UNC5C: variants seen among roughly 807,000 people sequenced by gnomAD.
The protein encoded by UNC5C is netrin receptor UNC5C.
UNC5C carries 47 observed loss-of-function variants against 99.8 expected under a neutral mutation model. The ratio of observed to expected loss-of-function variants is 0.47; its 90% CI spans 0.37 to 0.60. UNC5C has a LOEUF of 0.60. Among genes scored for constraint, UNC5C ranks in the 20% least tolerant of loss-of-function variants. The pLI, the probability that UNC5C is intolerant of heterozygous loss-of-function variation, is 0.00. For synonymous variants in UNC5C, 487 were observed against 452.2 expected (o/e 1.08, Z -0.98); for missense variants, 1,062 against 1,165.9 (o/e 0.91, Z 1.30).
chr4:95,267,373 C>A (rs1054989647), intron 4 of UNC5C, among the ~76,000 whole-genome samples: 1 of 151,998 alleles, frequency 6.6e-6, no homozygotes, highest in African/African-American at 2.4e-5. Flanking sequence ...TTAAAATAAG[C>A]AAATTAGTGT....
intron 2 of UNC5C, among the ~76,000 whole-genome samples, chr4:95,314,894 T>C (rs996463950): frequency 1.2e-4 from 18 of 152,210 alleles, no homozygotes; most frequent in African/African-American, 3.9e-4. Context: ...TTGAAAAATA[T>C]TGCAAACATG....
chr4:95,540,297 T>G (rs1000480509), intron 1 of UNC5C, among the ~76,000 whole-genome samples: 1 of 152,202 alleles, frequency 6.6e-6, no homozygotes, highest in African/African-American at 2.4e-5. Flanking sequence ...TGAATAATAT[T>G]ATGATGAAAT....
At chr4:95,439,417 T>C (rs938304715) in intron 1 of UNC5C, among the ~76,000 whole-genome samples, 1 of 151,866 alleles carries the variant, frequency 6.6e-6, no homozygotes, top group African/African-American at 2.4e-5. Flanking sequence ...CTCCTTCTTA[T>C]GTTTTAAGGG....
intron 1 of UNC5C, among the ~76,000 whole-genome samples, chr4:95,545,000 A>T (rs1723020120): frequency 6.6e-6 from 1 of 152,258 alleles, no homozygotes; most frequent in Non-Finnish European, 1.5e-5. Flanking sequence ...AGAACCTAGC[A>T]TACATTAGAG....
rs369869047 is a variant in UNC5C at position 95,548,792 on chromosome 4, C to A, written c.66G>T (p.Met22Ile). Residue 22 changes from methionine to isoleucine, a missense_variant, in exon 1 of 16, where the codon ATG (methionine) becomes ATT (isoleucine). This residue lies in a region of UNC5C where 249 missense variants were observed against 295.1 expected (regional missense o/e 0.84). Transcript: ENST00000453304. The stretch of plus-strand genomic sequence containing the variant: ...GCAGGGCCAGGGCAGGTAGCACGAG[C>A]ATTTGCAGCAAGTATCCCAGTCCCA... ...CGLGLGYLLQ[M>I]LVLPALALLS... The A allele has an allele frequency of 3.6e-5, 58 of 1,613,360 alleles. No individual in the cohort carries two copies. Among genetic ancestry groups the A allele is most frequent in the Non-Finnish European group, 4.5e-5 (53 of 1,179,914 alleles).
At chr4:95,282,330 C>T (rs964222642) in intron 3 of UNC5C, among the ~76,000 whole-genome samples, 1 of 152,056 alleles carries the variant, frequency 6.6e-6, no homozygotes, top group African/African-American at 2.4e-5. Flanking sequence ...AGTCATTGGT[C>T]TGGGAAGTTT....
rs1011876819 is a variant in UNC5C at position 95,175,591 on chromosome 4, T to C, written c.2452-5259A>G. 5.2e-3 allele frequency among the ~76,000 whole-genome samples: 785 copies of C among 152,322 alleles called. 7 individuals are homozygous for C. The highest frequency in any genetic ancestry group is 0.018 in the African/African-American group (750 of 41,562). Reference sequence around the variant, plus strand: ...TTGGCCCCCACTCCCTTCTGGCTTGTAGAGTTTCTGCTGAGAGATCAGGTG... The same window carrying C: ...TTGGCCCCCACTCCCTTCTGGCTTGCAGAGTTTCTGCTGAGAGATCAGGTG... On this transcript the variant is annotated intron_variant, in intron 14 of 15. Coordinates refer to ENST00000453304, the MANE Select transcript of UNC5C (RefSeq NM_003728.4).
intron 1 of UNC5C, among the ~76,000 whole-genome samples, chr4:95,466,880 T>A (rs1364963274): frequency 6.6e-6 from 1 of 152,180 alleles, no homozygotes; most frequent in East Asian, 1.9e-4. Flanking sequence ...TTCATTCCCA[T>A]TGGGTGTGGC....
intron 11 of UNC5C, 50 bp from the exon 12 acceptor site, chr4:95,203,014 C>T (rs369634287): frequency 1.5e-4 from 237 of 1,578,344 alleles, no homozygotes; most frequent in Non-Finnish European, 1.9e-4. Context: ...GGACGCATGC[C>T]GGCCACCAGG....
chr4:95,186,349 C>T (rs1736828660), intron 12 of UNC5C, among the ~76,000 whole-genome samples: 1 of 152,066 alleles, frequency 6.6e-6, no homozygotes, highest in African/African-American at 2.4e-5. Context: ...GATTGGGTAC[C>T]CACCAGGGTA....
At chr4:95,202,614 C>T in intron 12 of UNC5C, 117 bp downstream of exon 12, 1 of 977,476 alleles carries the variant, frequency 1.0e-6, no homozygotes, top group Non-Finnish European at 1.5e-6. Context: ...TTGGGCCAAA[C>T]ACGTGTCCAC....
At chr4:95,408,598 A>G (rs1358594478) in intron 1 of UNC5C, among the ~76,000 whole-genome samples, 1 of 152,210 alleles carries the variant, frequency 6.6e-6, no homozygotes, top group African/African-American at 2.4e-5. Flanking sequence ...TTTGATATAT[A>G]CTAACTGAAC....
chr4:95,183,245 A>G (rs562599690), intron 13 of UNC5C, among the ~76,000 whole-genome samples, 184 bp from the exon 14 acceptor site: 1 of 152,320 alleles, frequency 6.6e-6, no homozygotes, highest in Non-Finnish European at 1.5e-5. Context: ...GAGAGGTTCA[A>G]TAACTTACCC....
At chr4:95,272,598 C>T (rs898715886) in intron 4 of UNC5C, among the ~76,000 whole-genome samples, 3 of 152,118 alleles carry the variant, frequency 2.0e-5, no homozygotes. Flanking sequence ...GTGACTTTGG[C>T]GAATGTTGAT....
At chr4:95,354,479 A>ATATATATATTTTTTTTT in intron 1 of UNC5C, among the ~76,000 whole-genome samples, 67 of 110,334 alleles carry the variant, frequency 6.1e-4, no homozygotes, top group Non-Finnish European at 9.3e-4. Context: ...ATATATATAT[A>ATATATATATTTTTTTTT]TTTTTTTTTT....
At chr4:95,307,165 T>G (rs1742090284) in intron 2 of UNC5C, among the ~76,000 whole-genome samples, 1 of 152,088 alleles carries the variant, frequency 6.6e-6, no homozygotes, top group Non-Finnish European at 1.5e-5. Flanking sequence ...ATGTGTTACA[T>G]GAAGTCACTT....
chr4:95,222,892 T>A (rs1738526605), intron 7 of UNC5C, among the ~76,000 whole-genome samples: 1 of 152,158 alleles, frequency 6.6e-6, no homozygotes, highest in South Asian at 2.1e-4. Flanking sequence ...GTCAATGCAA[T>A]GGAAACTGGA....
chr4:95,186,310 AG>A (rs1736827450), intron 12 of UNC5C, among the ~76,000 whole-genome samples: 1 of 152,240 alleles, frequency 6.6e-6, no homozygotes, highest in South Asian at 2.1e-4. Context: ...TCAAGAACAC[AG>A]GTGTTCATTC....
intron 4 of UNC5C, among the ~76,000 whole-genome samples, chr4:95,274,982 C>T (rs567144077): frequency 2.6e-5 from 4 of 151,946 alleles, no homozygotes; most frequent in South Asian, 2.1e-4. Flanking sequence ...GCCAAGATCA[C>T]GCCACTGCAC....
Sources: gnomAD v4.1 joint callset for allele counts (sites outside exome capture counted in the v4.1 genomes callset) on GRCh38, gnomAD v4.1.1 for gene constraint, gnomAD v4.1.1 regional missense constraint, MANE v1.5 for transcripts, NCBI Gene and HGNC (gene_info 2026-07-23, HGNC 2026-07-21) for gene names.